KCMF1: variants seen among roughly 807,000 people sequenced by gnomAD.
KCMF1 encodes E3 ubiquitin-protein ligase KCMF1.
A neutral mutation model predicts 41.1 loss-of-function variants in KCMF1; 3 were observed. The ratio of observed to expected loss-of-function variants is 0.07; its 90% CI spans 0.03 to 0.19. The LOEUF is 0.19. Ranked by LOEUF, KCMF1 falls within the 10% of genes least tolerant of loss-of-function variation. The probability of loss-of-function intolerance (pLI) is 1.00; values close to 1 mark genes in which losing one functional copy is unlikely to be tolerated. For synonymous variants in KCMF1, 142 were observed against 164.5 expected (o/e 0.86, Z 1.04); for missense variants, 286 against 488.9 (o/e 0.58, Z 3.91).
At chr2:85,005,789 C>T (rs1276601326) in intron 1 of KCMF1, among the ~76,000 whole-genome samples, 1 of 152,140 alleles carries the variant, frequency 6.6e-6, no homozygotes, top group East Asian at 1.9e-4. Flanking sequence ...GGATTATAGG[C>T]ATAAGCCACC....
chr2:85,035,885 A>T (rs945060734), intron 3 of KCMF1, among the ~76,000 whole-genome samples: 8 of 152,224 alleles, frequency 5.3e-5, no homozygotes, highest in Admixed American at 5.2e-4. Context: ...TAGATACTGA[A>T]TTGGGAGAAT....
At chr2:84,972,997 CTG>C (rs1322651553) in intron 1 of KCMF1, among the ~76,000 whole-genome samples, 2 of 152,172 alleles carry the variant, frequency 1.3e-5, no homozygotes, top group African/African-American at 2.4e-5. Context: ...ATCCTTATCT[CTG>C]TAATTTTAAG....
chr2:85,002,017 C>T (rs1674342047), intron 1 of KCMF1, among the ~76,000 whole-genome samples: 1 of 152,156 alleles, frequency 6.6e-6, no homozygotes, highest in Non-Finnish European at 1.5e-5. Context: ...TAAAAATAAA[C>T]TTGTGGGACC....
Position 84,971,474 on chromosome 2 carries a change from G to A in KCMF1, c.16+7G>A. The A allele has an allele frequency of 7.8e-7, 1 of 1,277,618 alleles. No homozygotes were observed. The highest frequency in any genetic ancestry group is 1.8e-5 in the South Asian group (1 of 56,564). 79.1% of individuals were successfully genotyped at this position (1,277,618 alleles called of 1,614,324 possible). A position where few individuals can be genotyped will look rare whatever the true frequency, so the allele number is the denominator to read the frequency against. ...AGGATGTCCCGACATGAAGGTGAGA[G>A]GAGCCCCCGCCCCCACCCGCACCTC... On this transcript the variant is annotated splice_region_variant and intron_variant, in intron 1 of 6. Transcript: ENST00000409785.
chr2:85,008,235 T>C (rs530523932), intron 1 of KCMF1, among the ~76,000 whole-genome samples: 1 of 104,246 alleles, frequency 9.6e-6, no homozygotes, highest in South Asian at 3.0e-4. Flanking sequence ...CATCACATAT[T>C]ATATTATATA....
At chr2:85,022,903 T>TTTTTG (rs1232342734) in intron 1 of KCMF1, among the ~76,000 whole-genome samples, 2 of 149,746 alleles carry the variant, frequency 1.3e-5, no homozygotes, top group African/African-American at 4.9e-5. Context: ...TTTTTTTTTT[T>TTTTTG]TTTGAGACGG....
intron 1 of KCMF1, among the ~76,000 whole-genome samples, chr2:84,973,089 C>G (rs377104207): frequency 1.3e-5 from 2 of 152,198 alleles, no homozygotes; most frequent in East Asian, 3.8e-4. Context: ...TGTACATTGA[C>G]CACCTTCAAG....
intron 1 of KCMF1, among the ~76,000 whole-genome samples, chr2:85,008,321 C>CTATG (rs1281455221): frequency 1.6e-4 from 7 of 43,948 alleles, no homozygotes; most frequent in African/African-American, 5.9e-4. Context: ...ATATATATAT[C>CTATG]ATATATAATA....
chr2:85,057,874 T>G lies in KCMF1; in HGVS notation c.*4465T>G, dbSNP rs888650122. On this transcript the variant is annotated 3_prime_UTR_variant, in exon 7 of 7. Coordinates refer to ENST00000409785, the MANE Select transcript of KCMF1 (RefSeq NM_020122.5). ...CCTGAACCTCCACGTCACATTTTAG[T>G]CGGTTGCTATTAGGTGGGTAATGCC... 9 of 152,224 alleles carry G rather than the reference T, an allele frequency of 5.9e-5. No homozygotes were observed. Among genetic ancestry groups the G allele is most frequent in the Admixed American group, 2.0e-4 (3 of 15,284 alleles). 9.4% of individuals were successfully genotyped at this position (152,224 alleles called of 1,614,324 possible).
chr2:85,019,421 T>C (rs1266141407), intron 1 of KCMF1, among the ~76,000 whole-genome samples: 1 of 152,182 alleles, frequency 6.6e-6, no homozygotes, highest in African/African-American at 2.4e-5. Context: ...TGTACTTTTA[T>C]TTAGAGACTT....
intron 2 of KCMF1, among the ~76,000 whole-genome samples, chr2:85,033,785 C>T (rs890178096): frequency 1.3e-5 from 2 of 152,078 alleles, no homozygotes; most frequent in African/African-American, 4.8e-5. Context: ...ATAGCAATTA[C>T]CTACTGGGAA....
intron 1 of KCMF1, among the ~76,000 whole-genome samples, chr2:84,981,003 A>G (rs1178098742): frequency 6.6e-6 from 1 of 151,842 alleles, no homozygotes; most frequent in South Asian, 2.1e-4. Flanking sequence ...GCCAGTGGCC[A>G]CGGGGGTACT....
intron 1 of KCMF1, among the ~76,000 whole-genome samples, chr2:84,972,681 C>T (rs1245813549): frequency 6.6e-6 from 1 of 152,080 alleles, no homozygotes; most frequent in Non-Finnish European, 1.5e-5. Context: ...GAAATACGGA[C>T]CTTAGAATTT....
At chr2:84,978,842 A>G (rs1673624925) in intron 1 of KCMF1, among the ~76,000 whole-genome samples, 2 of 152,022 alleles carry the variant, frequency 1.3e-5, no homozygotes, top group Non-Finnish European at 2.9e-5. Context: ...CAGCCTCCCG[A>G]GTAGCTGGGA....
At chr2:84,987,366 T>G (rs1462624791) in intron 1 of KCMF1, among the ~76,000 whole-genome samples, 1 of 152,208 alleles carries the variant, frequency 6.6e-6, no homozygotes, top group Non-Finnish European at 1.5e-5. Context: ...GTAGACCTTT[T>G]TGCTGGAATG....
chr2:85,043,306 A>C (rs921828864), intron 3 of KCMF1, among the ~76,000 whole-genome samples: 6 of 152,188 alleles, frequency 3.9e-5, no homozygotes, highest in Non-Finnish European at 7.3e-5. Flanking sequence ...GCTAGACCAT[A>C]CAAATGAATC....
intron 1 of KCMF1, among the ~76,000 whole-genome samples, chr2:85,017,925 A>G (rs1490036863): frequency 6.6e-6 from 1 of 152,180 alleles, no homozygotes; most frequent in Non-Finnish European, 1.5e-5. Flanking sequence ...ACTAGAGGGC[A>G]TCCTTTTCTC....
chr2:85,020,139 G>T (rs1674894621), intron 1 of KCMF1, among the ~76,000 whole-genome samples: 1 of 152,084 alleles, frequency 6.6e-6, no homozygotes, highest in South Asian at 2.1e-4. Context: ...AAGAGTGTCA[G>T]TATCACCATG....
At chr2:85,046,369 C>A in intron 5 of KCMF1, 91 bp downstream of exon 5, 1 of 954,694 alleles carries the variant, frequency 1.0e-6, no homozygotes, top group Admixed American at 2.5e-5. Context: ...GTGGCTCACA[C>A]CTTTAATCCC....
Sources: allele counts gnomAD v4.1 joint callset (sites outside exome capture counted in the v4.1 genomes callset), GRCh38; gene constraint gnomAD v4.1.1; transcripts MANE v1.5; gene names NCBI Gene and HGNC (gene_info 2026-07-23, HGNC 2026-07-21).